The following FMN2 variants were observed in gnomAD, a reference collection of about 807,000 sequenced individuals.
FMN2 encodes formin 2, also known as formin-2.
Under a neutral mutation model 142.3 loss-of-function variants are expected in FMN2, and 51 were observed. That is an observed-to-expected ratio of 0.36 (90% CI 0.29 to 0.45). The LOEUF (loss-of-function observed/expected upper bound fraction) is 0.45. Ranked by LOEUF, FMN2 falls within the 20% of genes least tolerant of loss-of-function variation. FMN2 has a pLI of 1.00. For missense variants in FMN2, 1,936 were observed against 2,122.8 expected, an observed-to-expected ratio of 0.91 and a Z score of 1.73; for synonymous variants, 882 against 869.8, an observed-to-expected ratio of 1.01 and a Z score of -0.25.
intron 2 of FMN2, among the ~76,000 whole-genome samples, chr1:240,136,656 T>A (rs981404917): frequency 1.3e-5 from 2 of 152,218 alleles, no homozygotes; most frequent in African/African-American, 2.4e-5. Context: ...TCGACTTTTC[T>A]GTCATGATTT....
intron 2 of FMN2, among the ~76,000 whole-genome samples, chr1:240,161,260 A>G (rs1664265674): frequency 6.6e-6 from 1 of 152,138 alleles, no homozygotes; most frequent in South Asian, 2.1e-4. Context: ...GGCCTAGAAT[A>G]AGGAAGATGA....
chr1:240,236,388 G>A (rs76059866), intron 6 of FMN2, among the ~76,000 whole-genome samples: 2,407 of 152,164 alleles, frequency 0.016, 66 homozygotes, highest in African/African-American at 0.056. Flanking sequence ...TTTCCTCGTC[G>A]CCAGCATTAA....
chr1:240,159,436 C>T (rs2103288467), intron 2 of FMN2, among the ~76,000 whole-genome samples: 1 of 152,242 alleles, frequency 6.6e-6, no homozygotes, highest in East Asian at 1.9e-4. Context: ...AGTAGCCCCA[C>T]TCCCAGCAAA....
chr1:240,388,227 CAAAAAAAAAAAAA>C (rs761610582), intron 14 of FMN2, among the ~76,000 whole-genome samples: 17 of 6,056 alleles, frequency 2.8e-3, no homozygotes, highest in Non-Finnish European at 3.9e-3. Context: ...GTGCTCAAAG[CAAAAAAAAAAAAA>C]AAAAAAAAAA....
intron 14 of FMN2, among the ~76,000 whole-genome samples, chr1:240,362,935 C>G (rs1572232363): frequency 6.6e-6 from 1 of 152,154 alleles, no homozygotes; most frequent in Admixed American, 6.5e-5. Flanking sequence ...CTTCTTTAAG[C>G]ATAGTAAATT....
At chr1:240,419,464 C>T (rs1054855188) in intron 15 of FMN2, among the ~76,000 whole-genome samples, 1 of 152,068 alleles carries the variant, frequency 6.6e-6, no homozygotes, top group Non-Finnish European at 1.5e-5. Flanking sequence ...GGGCATCAAT[C>T]CCAGTTGTGT....
intron 6 of FMN2, among the ~76,000 whole-genome samples, chr1:240,238,980 A>G (rs1220151667): frequency 6.6e-6 from 1 of 151,944 alleles, no homozygotes; most frequent in Non-Finnish European, 1.5e-5. Flanking sequence ...GGAGTATTGA[A>G]GGAGGTATAA....
intron 4 of FMN2, among the ~76,000 whole-genome samples, chr1:240,196,203 T>C (rs1470725279): frequency 6.6e-6 from 1 of 152,120 alleles, no homozygotes; most frequent in Non-Finnish European, 1.5e-5. Flanking sequence ...TAAGGAACAA[T>C]TACCTGGCAA....
At chr1:240,285,843 C>A (rs1669571197) in intron 7 of FMN2, among the ~76,000 whole-genome samples, 1 of 152,098 alleles carries the variant, frequency 6.6e-6, no homozygotes, top group Non-Finnish European at 1.5e-5. Flanking sequence ...GTGGGGACAA[C>A]AAGTATTGAC....
intron 14 of FMN2, among the ~76,000 whole-genome samples, chr1:240,383,029 A>G (rs1673283555): frequency 1.3e-5 from 2 of 152,334 alleles, no homozygotes; most frequent in South Asian, 2.1e-4. Context: ...ACTGTATTCA[A>G]TAAATGGTGC....
intron 8 of FMN2, among the ~76,000 whole-genome samples, chr1:240,296,752 T>G (rs184544649): frequency 8.5e-5 from 13 of 152,146 alleles, no homozygotes; most frequent in South Asian, 4.2e-4. Flanking sequence ...TGTCTCATGG[T>G]GCATTGTACA....
At chr1:240,153,220 G>A (rs937908961) in intron 2 of FMN2, among the ~76,000 whole-genome samples, 5 of 152,196 alleles carry the variant, frequency 3.3e-5, no homozygotes, top group African/African-American at 1.2e-4. Flanking sequence ...AAGGGGCTAT[G>A]GCAATGCCCA....
chr1:240,106,388 G>T (rs529402174), intron 1 of FMN2, among the ~76,000 whole-genome samples: 1 of 152,126 alleles, frequency 6.6e-6, no homozygotes, highest in Non-Finnish European at 1.5e-5. Flanking sequence ...TGAATTTCAG[G>T]TGCCAATTTC....
chr1:240,271,613 T>TTGAAATGTAAA (rs1471639075), intron 7 of FMN2, among the ~76,000 whole-genome samples: 3 of 152,058 alleles, frequency 2.0e-5, no homozygotes, highest in African/African-American at 7.2e-5. Context: ...ATGGTTTTCA[T>TTGAAATGTAAA]TGAAATGTAA....
rs1461350234 is a variant in FMN2, at chr1:240,446,885, T to TTTAGGA, written c.5060+8675_5060+8676insTTAGGA. On this transcript the variant is annotated intron_variant, in intron 16 of 17. Transcript: ENST00000319653. Reference sequence around the variant, plus strand: ...TTCCACATTCACACACTCCTCCTGCTCGACTTTAGGATTTCAGCTTCACAC... The same window carrying TTTAGGA: ...TTCCACATTCACACACTCCTCCTGCTTTAGGACGACTTTAGGATTTCAGCTTCACAC... Among the ~76,000 whole-genome samples the TTTAGGA allele has an allele frequency of 8.5e-5, 13 of 152,260 alleles. No individual in the cohort carries two copies. In the South Asian group the frequency reaches 2.3e-3, roughly 27 times the overall value.
rs560409323 is a variant in FMN2 at position 240,242,096 on chromosome 1, C to T, written c.4066-15849C>T. ...TCCTGACCTCGTGATCCGCCTGCCT[C>T]GGCCTCCCAAAGTGCTGGGATGACA... On this transcript the variant is annotated intron_variant, in intron 6 of 17. Coordinates refer to ENST00000319653, the MANE Select transcript of FMN2 (RefSeq NM_020066.5). Among the ~76,000 whole-genome samples, 26 of 152,248 alleles carry T rather than the reference C, an allele frequency of 1.7e-4. No homozygotes were observed. The South Asian group carries it at 3.7e-3, about 22-fold the overall frequency.
intron 13 of FMN2, among the ~76,000 whole-genome samples, chr1:240,346,107 C>T (rs1194911766): frequency 6.6e-6 from 1 of 151,938 alleles, no homozygotes; most frequent in Non-Finnish European, 1.5e-5. Flanking sequence ...TTTTAAAGTT[C>T]AAATATATAG....
At chr1:240,359,216 T>C (rs951754120) in intron 14 of FMN2, among the ~76,000 whole-genome samples, 1 of 152,172 alleles carries the variant, frequency 6.6e-6, no homozygotes, top group Admixed American at 6.5e-5. Flanking sequence ...ATTCTAAAAT[T>C]AAAATTATAA....
chr1:240,321,772 A>C (rs932645831), intron 8 of FMN2, among the ~76,000 whole-genome samples: 10 of 152,228 alleles, frequency 6.6e-5, no homozygotes, highest in Non-Finnish European at 1.3e-4. Flanking sequence ...CAGACAATAA[A>C]CAGAACTTCA....
Sources: gnomAD v4.1 joint callset for allele counts (sites outside exome capture counted in the v4.1 genomes callset) on GRCh38, gnomAD v4.1.1 for gene constraint, MANE v1.5 for transcripts, NCBI Gene and HGNC (gene_info 2026-07-23, HGNC 2026-07-21) for gene names.